The following CAST variants were observed in gnomAD, a reference collection of about 807,000 sequenced individuals.
CAST encodes MIR583 host.
A neutral mutation model predicts 119.6 loss-of-function variants in CAST; 76 were observed. The observed-to-expected ratio is 0.64, with a 90% CI of 0.53 to 0.77. The LOEUF is 0.77. Among genes scored for constraint, CAST ranks in the 30% least tolerant of loss-of-function variants. The probability of loss-of-function intolerance (pLI) is 0.00; values close to 1 mark genes in which losing one functional copy is unlikely to be tolerated. For missense variants in CAST, 953 were observed against 946.5 expected, an observed-to-expected ratio of 1.01 and a Z score of -0.09; for synonymous variants, 319 against 331.6, an observed-to-expected ratio of 0.96 and a Z score of 0.41.
At chr5:96,080,901 T>C in the CAST span, among the ~76,000 whole-genome samples, 5 of 152,294 alleles carry the variant, frequency 3.3e-5, no homozygotes, top group African/African-American at 1.2e-4. Context: ...CCCTGTGTTA[T>C]GTGGTAGGAT....
the CAST span, among the ~76,000 whole-genome samples, chr5:96,295,778 G>A: frequency 6.6e-6 from 1 of 152,140 alleles, no homozygotes; most frequent in African/African-American, 2.4e-5. Flanking sequence ...GTCACGTAAA[G>A]CAGACTGCTT....
At chr5:96,238,341 T>TTCTTCTTCTTCTTCTTCTTCC in the CAST span, among the ~76,000 whole-genome samples, 1 of 123,692 alleles carries the variant, frequency 8.1e-6, no homozygotes, top group South Asian at 2.5e-4. Context: ...CTTCTTCTTC[T>TTCTTCTTCTTCTTCTTCTTCC]TCTTCATCTT....
the CAST span, among the ~76,000 whole-genome samples, chr5:96,472,895 G>A: frequency 2.0e-5 from 3 of 152,132 alleles, no homozygotes; most frequent in Admixed American, 2.0e-4. Context: ...ATCAAGTGTT[G>A]GCAGTATCAT....
chr5:96,073,233 T>A, the CAST span, among the ~76,000 whole-genome samples: 1 of 152,184 alleles, frequency 6.6e-6, no homozygotes, highest in Admixed American at 6.6e-5. Context: ...GTGTACAGAC[T>A]TATGTGGTGA....
the CAST span, among the ~76,000 whole-genome samples, chr5:96,216,419 A>G: frequency 3.3e-5 from 5 of 152,220 alleles, no homozygotes; most frequent in Non-Finnish European, 7.3e-5. Context: ...TAATACACCA[A>G]GAGTTGAAAA....
At chr5:95,962,342 GCTGTGGAA>G in the CAST span, among the ~76,000 whole-genome samples, 4,627 of 152,328 alleles carry the variant, frequency 0.03, 109 homozygotes, top group Admixed American at 0.075. Flanking sequence ...GGCTGCGGAA[GCTGTGGAA>G]CTTGGTGCGT....
the CAST span, among the ~76,000 whole-genome samples, chr5:96,418,746 A>C: frequency 6.6e-6 from 1 of 152,168 alleles, no homozygotes; most frequent in Admixed American, 6.5e-5. Context: ...TCTACTTTTT[A>C]TTATACCTTC....
chr5:95,992,176 G>A, the CAST span, among the ~76,000 whole-genome samples: 2 of 152,150 alleles, frequency 1.3e-5, no homozygotes, highest in African/African-American at 4.8e-5. Flanking sequence ...GGAGGCAAGG[G>A]AAATTAAAGA....
the CAST span, among the ~76,000 whole-genome samples, chr5:96,239,450 CT>C: frequency 6.6e-6 from 1 of 151,858 alleles, no homozygotes; most frequent in African/African-American, 2.4e-5. Flanking sequence ...ATATTTGAGG[CT>C]TTTTTGGGGG....
the CAST span, among the ~76,000 whole-genome samples, chr5:96,344,398 G>A: frequency 6.6e-6 from 1 of 151,994 alleles, no homozygotes; most frequent in African/African-American, 2.4e-5. Flanking sequence ...TATTTTTTAA[G>A]TGGTAATCTC....
the CAST span, among the ~76,000 whole-genome samples, chr5:96,467,263 T>C: frequency 2.6e-5 from 4 of 151,942 alleles, no homozygotes; most frequent in African/African-American, 9.7e-5. Flanking sequence ...GTTGAAAATA[T>C]ACTCTATTAG....
the CAST span, among the ~76,000 whole-genome samples, chr5:96,019,527 T>C: frequency 6.6e-6 from 1 of 152,174 alleles, no homozygotes; most frequent in Non-Finnish European, 1.5e-5. Context: ...ATGGTCTCTC[T>C]TGGAGTTTGA....
chr5:96,679,326 A>G (rs1481507824), intron 2 of CAST: 1 of 152,244 alleles, frequency 6.6e-6, no homozygotes, highest in Non-Finnish European at 1.5e-5. Flanking sequence ...GATGTAGAGG[A>G]ATTACAGGAC....
chr5:96,246,343 C>T, the CAST span, among the ~76,000 whole-genome samples: 2,230 of 152,020 alleles, frequency 0.015, 38 homozygotes, highest in South Asian at 0.081. Context: ...CCACCATGCC[C>T]GGCTAATTTC....
intron 1 of CAST, among the ~76,000 whole-genome samples, chr5:96,631,237 T>G (rs1747814369): frequency 7.1e-6 from 1 of 141,096 alleles, no homozygotes; most frequent in Non-Finnish European, 1.6e-5. Context: ...AAAAGGACAC[T>G]AGGACCTGTC....
chr5:96,138,609 T>C, the CAST span, among the ~76,000 whole-genome samples: 1 of 152,072 alleles, frequency 6.6e-6, no homozygotes, highest in African/African-American at 2.4e-5. Context: ...ATAAACACAA[T>C]ATTTCTCCAT....
the CAST span, among the ~76,000 whole-genome samples, chr5:96,107,422 G>A: frequency 6.6e-6 from 1 of 151,692 alleles, no homozygotes; most frequent in South Asian, 2.1e-4. Flanking sequence ...GGGCCTGGTG[G>A]TGACAAAATC....
chr5:96,548,374 T>C (rs934913043), intron 1 of CAST, among the ~76,000 whole-genome samples: 8 of 152,182 alleles, frequency 5.3e-5, no homozygotes, highest in Non-Finnish European at 8.8e-5. Context: ...GACTTTTTAA[T>C]ATTATATAGA....
At chr5:96,499,373 A>G in the CAST span, among the ~76,000 whole-genome samples, 2 of 152,254 alleles carry the variant, frequency 1.3e-5, no homozygotes, top group African/African-American at 2.4e-5. Flanking sequence ...TTATATTTGC[A>G]CTATAGTGTA....
Sources: allele counts gnomAD v4.1 joint callset (sites outside exome capture counted in the v4.1 genomes callset), GRCh38; gene constraint gnomAD v4.1.1; transcripts MANE v1.5; gene names NCBI Gene and HGNC (gene_info 2026-07-23, HGNC 2026-07-21).